The following IGHMBP2 variants were observed in gnomAD, a reference collection of about 807,000 sequenced individuals.
IGHMBP2 encodes immunoglobulin mu DNA binding protein 2.
In IGHMBP2, 81 loss-of-function variants were observed where a neutral mutation model predicts 96.0. The observed-to-expected ratio is 0.84, with a 90% CI of 0.71 to 1.01. The LOEUF (loss-of-function observed/expected upper bound fraction) is 1.01, where lower values mean the gene tolerates loss of function less well. Ranked by LOEUF, IGHMBP2 falls within the 50% of genes least tolerant of loss-of-function variation. The probability of loss-of-function intolerance (pLI) is 0.00; values close to 1 mark genes in which losing one functional copy is unlikely to be tolerated. For synonymous variants in IGHMBP2, 557 were observed against 548.9 expected (o/e 1.01, Z -0.21); for missense variants, 1,227 against 1,306.3 (o/e 0.94, Z 0.94).
At chr11:68,919,868 A>G (rs1282508144) in intron 7 of IGHMBP2, among the ~76,000 whole-genome samples, 1 of 152,196 alleles carries the variant, frequency 6.6e-6, no homozygotes, top group East Asian at 1.9e-4. Flanking sequence ...GTCTGACATT[A>G]AAATAATCAT....
At chr11:68,905,095 C>T (rs570369362) in intron 1 of IGHMBP2, among the ~76,000 whole-genome samples, 22 of 152,304 alleles carry the variant, frequency 1.4e-4, no homozygotes, top group African/African-American at 5.1e-4. Context: ...CGTGCCCGGC[C>T]GCAGTGTAGG....
intron 5 of IGHMBP2, among the ~76,000 whole-genome samples, chr11:68,913,688 G>C (rs556665402): frequency 1.1e-4 from 16 of 152,124 alleles, no homozygotes; most frequent in East Asian, 3.9e-4. Context: ...GGAGGCCAAG[G>C]GGGGAGGATC....
intron 7 of IGHMBP2, among the ~76,000 whole-genome samples, chr11:68,919,482 A>T (rs1858799032): frequency 6.6e-6 from 1 of 152,234 alleles, no homozygotes; most frequent in African/African-American, 2.4e-5. Context: ...GTCAGAGGAC[A>T]TACTCTCATG....
At chr11:68,929,842 A>G in intron 8 of IGHMBP2, 7 of 978,058 alleles carry the variant, frequency 7.2e-6, no homozygotes, top group Non-Finnish European at 8.5e-6. Flanking sequence ...GGCCTGGCCC[A>G]GGCTGTCCTG....
chr11:68,929,995 C>T, intron 8 of IGHMBP2: 1 of 1,038,160 alleles, frequency 9.6e-7, no homozygotes, highest in Non-Finnish European at 1.2e-6. Flanking sequence ...TCACCTCTCC[C>T]CATACTACCC....
chr11:68,935,389 G>A lies in IGHMBP2; in HGVS notation c.1723G>A (p.Val575Met), dbSNP rs748775914. The change falls in exon 12 of 15, where the codon GTG becomes ATG. Residue 575 changes from valine to methionine, a missense_variant. Val to Met is a conservative substitution (Grantham distance 21, BLOSUM62 1). This residue lies in a region of IGHMBP2 where 703 missense variants were observed against 770.3 expected (regional missense o/e 0.91). Coordinates refer to ENST00000255078, the MANE Select transcript of IGHMBP2 (RefSeq NM_002180.3). ...DGFQGREKEAVILSFVRSNRK... is the reference protein window; with the variant it reads ...DGFQGREKEAMILSFVRSNRK... ...CTTCCAAGGCCGAGAGAAGGAGGCC[G>A]TGATACTGTCCTTCGTCAGATCCAA... 14 of 1,614,008 alleles carry A rather than the reference G, an allele frequency of 8.7e-6. No individual in the cohort carries two copies. In the East Asian group the frequency reaches 8.9e-5, roughly 10 times the overall value.
intron 12 of IGHMBP2, 88 bp from the exon 13 acceptor site, chr11:68,936,149 T>G: frequency 6.7e-7 from 1 of 1,483,758 alleles, no homozygotes; most frequent in Non-Finnish European, 9.3e-7. Context: ...GACTACACTT[T>G]TGGTGGTGGT....
In IGHMBP2 at chr11:68,933,400, A is replaced by C. The variant is rs779196520; in HGVS notation, c.1337A>C (p.Gln446Pro). Reference protein sequence around the residue: ...RTLTVQYRMHQAIMRWASDTM... With the variant: ...RTLTVQYRMHPAIMRWASDTM... ...CTGACGGTGCAGTACCGCATGCACC[A>C]GGCTATCATGCGCTGGGCCTCAGAC... Residue 446 changes from glutamine to proline, a missense_variant, in exon 9 of 15, where the codon CAG becomes CCG. Physicochemically the swap from Gln to Pro is moderately conservative, Grantham distance 76. Transcript: ENST00000255078. The C allele has an allele frequency of 1.9e-6, 3 of 1,613,234 alleles. No homozygotes were observed. Among genetic ancestry groups the C allele is most frequent in the Non-Finnish European group, 2.5e-6 (3 of 1,179,866 alleles).
In IGHMBP2 at chr11:68,934,510, T is replaced by C; in HGVS notation, c.1584T>C (p.Ala528=). The C allele has an allele frequency of 1.9e-6, 3 of 1,613,050 alleles. No homozygotes were observed. Among genetic ancestry groups the C allele is most frequent in the Non-Finnish European group, 2.5e-6 (3 of 1,179,486 alleles). ...VSLHIQALVD[A]GVPARDIAVV... is the part of the protein sequence containing the mutation. ...TGCACATCCAGGCTCTGGTGGACGCTGGTGTTCCAGCCCGTGACATTGCTG... is the reference window on the plus strand; with the variant it reads ...TGCACATCCAGGCTCTGGTGGACGCCGGTGTTCCAGCCCGTGACATTGCTG... The change falls in exon 11 of 15, where the codon GCT becomes GCC. Residue 528 remains alanine, a synonymous_variant. Transcript: ENST00000255078.
chr11:68,914,697 T>C (rs1216856280), intron 5 of IGHMBP2, 126 bp from the exon 6 acceptor site: 2 of 992,692 alleles, frequency 2.0e-6, no homozygotes, highest in African/African-American at 3.2e-5. Flanking sequence ...ATGCAAGATT[T>C]GATTGAGAGC....
chr11:68,916,790 C>T (rs1251929889), intron 6 of IGHMBP2, among the ~76,000 whole-genome samples: 2 of 151,944 alleles, frequency 1.3e-5, no homozygotes, highest in African/African-American at 2.4e-5. Flanking sequence ...CATGCAGGTT[C>T]GAGGTGGTGG....
Position 68,911,791 on chromosome 11 carries a change from C to A in IGHMBP2, c.711+188C>A, listed in dbSNP as rs981739284. Among the ~76,000 whole-genome samples the A allele has an allele frequency of 2.0e-5, 3 of 152,252 alleles. No individual in the cohort carries two copies. The South Asian group carries it at 6.2e-4, about 31-fold the overall frequency. ...GCATCCCCGTGAGTCTTGGGGAGCA[C>A]GCGCAGGAGCCGTAGCCTGGGTTGT... On this transcript the variant is annotated intron_variant, in intron 5 of 14. Coordinates refer to ENST00000255078, the MANE Select transcript of IGHMBP2 (RefSeq NM_002180.3).
chr11:68,937,864 T>C, intron 13 of IGHMBP2: 1 of 379,244 alleles, frequency 2.6e-6, no homozygotes, highest in Non-Finnish European at 5.0e-6. Flanking sequence ...GAGCAGCTAC[T>C]GTATGCCACG....
chr11:68,937,118 C>T, intron 13 of IGHMBP2, 27 bp downstream of exon 13: 5 of 1,595,784 alleles, frequency 3.1e-6, no homozygotes, highest in Non-Finnish European at 3.4e-6. Flanking sequence ...GAACTTGGGG[C>T]AGTGTCCCCT....
At chr11:68,904,550 G>A (rs1858098627) in intron 1 of IGHMBP2, among the ~76,000 whole-genome samples, 1 of 152,208 alleles carries the variant, frequency 6.6e-6, no homozygotes, top group Admixed American at 6.5e-5. Flanking sequence ...CCTTCCCTGG[G>A]GAGGGTCATG....
chr11:68,922,739 C>T (rs964655836), intron 7 of IGHMBP2, among the ~76,000 whole-genome samples: 2 of 152,190 alleles, frequency 1.3e-5, no homozygotes, highest in Non-Finnish European at 2.9e-5. Context: ...GAGATCTACC[C>T]TCTTAAATGT....
At chr11:68,907,076 G>A (rs1043834327) in intron 2 of IGHMBP2, among the ~76,000 whole-genome samples, 2 of 151,986 alleles carry the variant, frequency 1.3e-5, no homozygotes, top group Admixed American at 6.6e-5. Flanking sequence ...CCTGGGCAAC[G>A]TGGCAAAACC....
intron 7 of IGHMBP2, among the ~76,000 whole-genome samples, chr11:68,925,686 C>G (rs1859038744): frequency 6.6e-6 from 1 of 152,148 alleles, no homozygotes; most frequent in Admixed American, 6.5e-5. Flanking sequence ...CTGGGCATGT[C>G]TTAGTTTCTC....
intron 2 of IGHMBP2, among the ~76,000 whole-genome samples, chr11:68,907,863 G>A (rs1271396023): frequency 1.3e-5 from 2 of 152,050 alleles, no homozygotes; most frequent in Non-Finnish European, 2.9e-5. Flanking sequence ...CTAATTTTTT[G>A]TATTTTTAGT....
Sources: gnomAD v4.1 joint callset for allele counts (sites outside exome capture counted in the v4.1 genomes callset) on GRCh38, gnomAD v4.1.1 for gene constraint, gnomAD v4.1.1 regional missense constraint, MANE v1.5 for transcripts, NCBI Gene and HGNC (gene_info 2026-07-23, HGNC 2026-07-21) for gene names.